KIR2DL3: variants seen among roughly 807,000 people sequenced by gnomAD.
The protein encoded by KIR2DL3 is killer cell immunoglobulin-like receptor 2DL3.
Under a neutral mutation model 33.8 loss-of-function variants are expected in KIR2DL3, and 39 were observed. The observed-to-expected ratio is 1.15, with a 90% CI of 0.89 to 1.51. The LOEUF (loss-of-function observed/expected upper bound fraction) is 1.51. Among genes scored for constraint, KIR2DL3 ranks in the 40% most tolerant of loss-of-function variants. The pLI, the probability that KIR2DL3 is intolerant of heterozygous loss-of-function variation, is 0.00. For synonymous variants in KIR2DL3, 174 were observed against 160.2 expected, an observed-to-expected ratio of 1.09 and a Z score of -0.65; for missense variants, 462 against 426.2, an observed-to-expected ratio of 1.08 and a Z score of -0.74.
intron 1 of KIR2DL3, among the ~76,000 whole-genome samples, chr19:54,739,143 G>A (rs2070459373): frequency 6.7e-6 from 1 of 149,718 alleles, no homozygotes; most frequent in Non-Finnish European, 1.5e-5. Context: ...TGGGACTGGA[G>A]AGGTGATATG....
At chr19:54,743,265 A>AAGAC (rs1555900991) in intron 3 of KIR2DL3, among the ~76,000 whole-genome samples, 1 of 149,726 alleles carries the variant, frequency 6.7e-6, no homozygotes, top group African/African-American at 2.5e-5. Flanking sequence ...GATGATGATG[A>AAGAC]AGACAGATAA....
At chr19:54,739,985 T>A (rs2070713233) in intron 2 of KIR2DL3, among the ~76,000 whole-genome samples, 1 of 151,866 alleles carries the variant, frequency 6.6e-6, no homozygotes, top group African/African-American at 2.4e-5. Context: ...ACAAAGGACA[T>A]GCCCTCCACC....
At chr19:54,742,901 C>T (rs2071447189) in intron 3 of KIR2DL3, among the ~76,000 whole-genome samples, 1 of 151,204 alleles carries the variant, frequency 6.6e-6, no homozygotes, top group Admixed American at 6.6e-5. Context: ...ATCAGGAACA[C>T]CAAAAAGCAA....
rs373881780 is a variant in KIR2DL3, at chr19:54,743,779, G to A, written c.371-16G>A. On this transcript the variant is annotated splice_polypyrimidine_tract_variant and intron_variant, in intron 3 of 7. Coordinates refer to ENST00000342376, the MANE Select transcript of KIR2DL3 (RefSeq NM_015868.3). ...AAGGAAGATCCTCCGTAAGGAAAAT[G>A]CCTCTTCTCCTCCAGGTCTATATGA... 8.3e-6 allele frequency: 13 copies of A among 1,557,510 alleles called. No homozygotes were observed. The highest frequency in any genetic ancestry group is 1.1e-5 in the Non-Finnish European group (13 of 1,156,324).
In KIR2DL3 at chr19:54,739,046, G is replaced by A. The variant is rs368759678; in HGVS notation, c.35-461G>A. Among the ~76,000 whole-genome samples the A allele has an allele frequency of 7.4e-4, 105 of 141,938 alleles. No individual in the cohort carries two copies. In the East Asian group the frequency reaches 0.016, roughly 22 times the overall value. The allele number at this position is 141,938 out of a possible 152,430, so 93.1% of individuals were successfully genotyped here. A position where few individuals can be genotyped will look rare whatever the true frequency, so the allele number is the denominator to read the frequency against. ...CCTGGAGTGGAGATATGGGCCAGGA[G>A]TGGAGTTATGGGCCTAGAGGTGGAT... On this transcript the variant is annotated intron_variant, in intron 1 of 7. Transcript: ENST00000342376.
In KIR2DL3 at chr19:54,745,962, G is replaced by A. The variant is rs570529869; in HGVS notation, c.665-1373G>A. Among the ~76,000 whole-genome samples, 356 of 131,254 alleles carry A rather than the reference G, an allele frequency of 2.7e-3. 18 individuals are homozygous for A. The highest frequency in any genetic ancestry group is 9.4e-3 in the African/African-American group (333 of 35,474). The allele number at this position is 131,254 out of a possible 152,430, so 86.1% of individuals were successfully genotyped here. A position where few individuals can be genotyped will look rare whatever the true frequency, so the allele number is the denominator to read the frequency against. Reference sequence around the variant, plus strand: ...CGAGTAGCTGGAATTACAGGCACACGCCACCACGCCCAACTAAATTTTGTA... The same window carrying A: ...CGAGTAGCTGGAATTACAGGCACACACCACCACGCCCAACTAAATTTTGTA... On this transcript the variant is annotated intron_variant, in intron 4 of 7. Transcript: ENST00000342376.
chr19:54,741,665 C>G (rs2147022968), intron 2 of KIR2DL3, among the ~76,000 whole-genome samples: 1 of 151,922 alleles, frequency 6.6e-6, no homozygotes, highest in Middle Eastern at 3.4e-3. Flanking sequence ...GATGTGCAGC[C>G]TATCCTGGTT....
At chr19:54,741,058 A>G (rs1460698955) in intron 2 of KIR2DL3, among the ~76,000 whole-genome samples, 1 of 151,630 alleles carries the variant, frequency 6.6e-6, no homozygotes, top group Non-Finnish European at 1.5e-5. Flanking sequence ...ATAGGGTCCA[A>G]TTTCTGTCTC....
Position 54,742,229 on chromosome 19 carries a change from C to T in KIR2DL3, c.320C>T (p.Ser107Phe). The T allele has an allele frequency of 1.2e-6, 2 of 1,614,136 alleles. No homozygotes were observed. Among genetic ancestry groups the T allele is most frequent in the Non-Finnish European group, 1.7e-6 (2 of 1,180,020 alleles). Residue 107 changes from serine (S) to phenylalanine (F), a missense_variant, in exon 3 of 8, where the codon TCC (serine) becomes TTC (phenylalanine). Transcript: ENST00000342376. The stretch of plus-strand genomic sequence containing the variant: ...AGATGCTACGGTTCTGTTACTCACT[C>T]CCCCTATCAGTTGTCAGCTCCCAGT... ...TYRCYGSVTH[S>F]PYQLSAPSDP...
rs145271800 is a variant in KIR2DL3, at chr19:54,743,828, C to G, written c.404C>G (p.Pro135Arg). 1 of 1,611,962 alleles carries G rather than the reference C, an allele frequency of 6.2e-7. No individual in the cohort carries two copies. The highest frequency in any genetic ancestry group is 1.3e-5 in the African/African-American group (1 of 74,624). Residue 135 changes from proline (P) to arginine (R), a missense_variant, in exon 4 of 8, where the codon CCG (proline) becomes CGG (arginine). Pro to Arg is a moderately radical substitution (Grantham distance 103). Coordinates refer to ENST00000342376, the MANE Select transcript of KIR2DL3 (RefSeq NM_015868.3). ...LYEKPSLSAQ[P>R]GPTVLAGESV... ...GAGAAACCTTCTCTCTCAGCCCAGC[C>G]GGGCCCCACGGTTCTGGCAGGAGAG...
intron 4 of KIR2DL3, among the ~76,000 whole-genome samples, chr19:54,746,746 C>G (rs147894354): frequency 0.047 from 5,604 of 118,852 alleles, 55 homozygotes; most frequent in African/African-American, 0.092. Flanking sequence ...ACTTTGGGAG[C>G]CCAAGGCGGG....
intron 4 of KIR2DL3, among the ~76,000 whole-genome samples, chr19:54,744,750 C>T (rs1366879430): frequency 1.3e-5 from 2 of 150,560 alleles, no homozygotes; most frequent in African/African-American, 2.4e-5. Flanking sequence ...TGGTCTCCAA[C>T]TCCTGACCAC....
intron 1 of KIR2DL3, among the ~76,000 whole-genome samples, 179 bp downstream of exon 1, chr19:54,738,758 T>TG (rs2070289462): frequency 6.6e-4 from 41 of 62,080 alleles, no homozygotes; most frequent in South Asian, 5.2e-4. Context: ...GCCTGGAGGT[T>TG]GAGATATGGG....
At chr19:54,745,678 T>C (rs2072363826) in intron 4 of KIR2DL3, among the ~76,000 whole-genome samples, 1 of 151,764 alleles carries the variant, frequency 6.6e-6, no homozygotes, top group African/African-American at 2.4e-5. Flanking sequence ...TTTAGTTCTT[T>C]AAAGGACTTC....
At chr19:54,751,358 A>G (rs1299101269) in intron 5 of KIR2DL3, among the ~76,000 whole-genome samples, 1 of 132,774 alleles carries the variant, frequency 7.5e-6, no homozygotes, top group Non-Finnish European at 1.6e-5. Flanking sequence ...ATCCACCTCC[A>G]TGACCCAAAC....
intron 5 of KIR2DL3, among the ~76,000 whole-genome samples, chr19:54,750,570 G>C (rs1455993261): frequency 0.021 from 2,524 of 120,188 alleles, 14 homozygotes; most frequent in South Asian, 0.042. Flanking sequence ...CAAGAATGCT[G>C]TGGATGTAGA....
At chr19:54,744,870 TTATATATATATA>T (rs1185648350) in intron 4 of KIR2DL3, among the ~76,000 whole-genome samples, 127 of 78,424 alleles carry the variant, frequency 1.6e-3, no homozygotes, top group Non-Finnish European at 2.3e-3. Flanking sequence ...ATAAATACAT[TTATATATATATA>T]TATATATATA....
At chr19:54,746,633 T>A (rs1233317161) in intron 4 of KIR2DL3, among the ~76,000 whole-genome samples, 1 of 148,710 alleles carries the variant, frequency 6.7e-6, no homozygotes, top group Non-Finnish European at 1.5e-5. Flanking sequence ...TTCCCTGCAC[T>A]GTTTATTGAA....
chr19:54,749,044 T>A (rs200303088), intron 5 of KIR2DL3, among the ~76,000 whole-genome samples: 1 of 150,768 alleles, frequency 6.6e-6, no homozygotes, highest in Non-Finnish European at 1.5e-5. Flanking sequence ...CCTGAAAGAT[T>A]GGCGGAAGGA....
Sources: gnomAD v4.1 joint callset for allele counts (sites outside exome capture counted in the v4.1 genomes callset) on GRCh38, gnomAD v4.1.1 for gene constraint, MANE v1.5 for transcripts, NCBI Gene and HGNC (gene_info 2026-07-23, HGNC 2026-07-21) for gene names.